GALNT13: variants seen among roughly 807,000 people sequenced by gnomAD.
GALNT13 encodes polypeptide N-acetylgalactosaminyltransferase 13.
GALNT13 carries 28 observed loss-of-function variants against 64.2 expected under a neutral mutation model. That is an observed-to-expected ratio of 0.44 (90% CI 0.32 to 0.60). GALNT13 has a LOEUF of 0.60. GALNT13 is among the 20% of genes least tolerant of loss of function. The probability of loss-of-function intolerance (pLI) is 0.05; values close to 1 mark genes in which losing one functional copy is unlikely to be tolerated. For missense variants in GALNT13, 577 were observed against 669.8 expected, an observed-to-expected ratio of 0.86 and a Z score of 1.53; for synonymous variants, 214 against 224.6, an observed-to-expected ratio of 0.95 and a Z score of 0.42.
At chr2:153,688,477 T>C in the GALNT13 span, among the ~76,000 whole-genome samples, 1 of 152,036 alleles carries the variant, frequency 6.6e-6, no homozygotes, top group Non-Finnish European at 1.5e-5. Context: ...TTCCAGAAAG[T>C]ACACACATCA....
At chr2:154,157,784 G>T (rs1558994479) in intron 4 of GALNT13, among the ~76,000 whole-genome samples, 1 of 152,094 alleles carries the variant, frequency 6.6e-6, no homozygotes, top group African/African-American at 2.4e-5. Flanking sequence ...TGATTGCTAT[G>T]GTGCTATATT....
the GALNT13 span, among the ~76,000 whole-genome samples, chr2:153,082,638 C>T: frequency 2.9e-4 from 32 of 112,002 alleles, no homozygotes; most frequent in African/African-American, 1.2e-3. Context: ...CACACACACA[C>T]ACACACACAC....
the GALNT13 span, among the ~76,000 whole-genome samples, chr2:153,759,139 T>C: frequency 6.6e-6 from 1 of 152,184 alleles, no homozygotes; most frequent in Admixed American, 6.6e-5. Context: ...GACTTTTATA[T>C]GTTGATTTTT....
At chr2:153,875,535 T>C (rs1189331779) in intron 1 of GALNT13, among the ~76,000 whole-genome samples, 2 of 152,164 alleles carry the variant, frequency 1.3e-5, no homozygotes, top group South Asian at 2.1e-4. Context: ...TCATGCCAAG[T>C]TGATTTCTAG....
the GALNT13 span, among the ~76,000 whole-genome samples, chr2:153,375,160 G>A: frequency 6.6e-6 from 1 of 151,782 alleles, no homozygotes. Context: ...CTACTTTTAT[G>A]GCTTCAAACT....
chr2:153,216,360 G>T, the GALNT13 span, among the ~76,000 whole-genome samples: 4,094 of 152,054 alleles, frequency 0.027, 77 homozygotes, highest in Middle Eastern at 0.062. Context: ...GTAGTATATG[G>T]TTATTGTATA....
chr2:153,157,959 T>C, the GALNT13 span, among the ~76,000 whole-genome samples: 2 of 151,962 alleles, frequency 1.3e-5, no homozygotes, highest in Non-Finnish European at 2.9e-5. Context: ...AGAGTTCCCC[T>C]GGAACAGAAA....
At chr2:153,462,567 A>G in the GALNT13 span, among the ~76,000 whole-genome samples, 1 of 152,136 alleles carries the variant, frequency 6.6e-6, no homozygotes, top group African/African-American at 2.4e-5. Flanking sequence ...GCTTAGCAAA[A>G]CCATGTGATC....
the GALNT13 span, among the ~76,000 whole-genome samples, chr2:153,312,733 C>T: frequency 6.6e-6 from 1 of 152,132 alleles, no homozygotes; most frequent in Non-Finnish European, 1.5e-5. Flanking sequence ...TCTGACTGGG[C>T]TAGGCCATGT....
At chr2:154,244,737 G>A (rs538452363) in intron 6 of GALNT13, among the ~76,000 whole-genome samples, 54 of 152,198 alleles carry the variant, frequency 3.5e-4, no homozygotes, top group African/African-American at 1.2e-3. Flanking sequence ...GGCACAACAT[G>A]GATTAAAAGT....
intron 4 of GALNT13, among the ~76,000 whole-genome samples, chr2:154,198,893 T>TA (rs1253135127): frequency 1.3e-5 from 2 of 152,008 alleles, no homozygotes; most frequent in Non-Finnish European, 2.9e-5. Context: ...TAGAGTAATA[T>TA]AGCCTTAGTA....
intron 4 of GALNT13, among the ~76,000 whole-genome samples, chr2:154,192,527 T>C (rs957461285): frequency 7.2e-5 from 11 of 152,114 alleles, no homozygotes; most frequent in African/African-American, 2.4e-4. Flanking sequence ...TATATATATA[T>C]ATATTTAACA....
chr2:153,975,925 A>G (rs1328885515), intron 3 of GALNT13, among the ~76,000 whole-genome samples: 1 of 152,166 alleles, frequency 6.6e-6, no homozygotes, highest in Non-Finnish European at 1.5e-5. Flanking sequence ...AAAACATCAC[A>G]TTGCACGTCC....
chr2:153,308,246 A>C, the GALNT13 span, among the ~76,000 whole-genome samples: 1 of 152,188 alleles, frequency 6.6e-6, no homozygotes, highest in Non-Finnish European at 1.5e-5. Flanking sequence ...TTTGAAGGGA[A>C]TCTTTCTGAA....
chr2:153,254,632 T>G, the GALNT13 span, among the ~76,000 whole-genome samples: 1 of 152,192 alleles, frequency 6.6e-6, no homozygotes, highest in Non-Finnish European at 1.5e-5. Context: ...CTCCACACAC[T>G]GCTTTGGATG....
chr2:154,359,003 G>A (rs763806668), intron 9 of GALNT13, among the ~76,000 whole-genome samples: 1 of 152,090 alleles, frequency 6.6e-6, no homozygotes, highest in Non-Finnish European at 1.5e-5. Context: ...CCATCTGTTC[G>A]GTTATGCTGG....
the GALNT13 span, among the ~76,000 whole-genome samples, chr2:153,452,094 A>T: frequency 2.0e-5 from 3 of 152,196 alleles, no homozygotes; most frequent in South Asian, 2.1e-4. Context: ...ACAAGTTTTC[A>T]TGAGAATTTT....
intron 4 of GALNT13, among the ~76,000 whole-genome samples, chr2:154,164,073 A>G (rs1020053475): frequency 6.6e-6 from 1 of 152,186 alleles, no homozygotes; most frequent in African/African-American, 2.4e-5. Context: ...ATCATACTGA[A>G]TCACAGATGC....
intron 9 of GALNT13, among the ~76,000 whole-genome samples, chr2:154,313,335 CTA>C (rs370102319): frequency 1.4e-5 from 2 of 146,166 alleles, no homozygotes; most frequent in African/African-American, 5.0e-5. Context: ...CATATACACA[CTA>C]TATATATATA....
Sources: gnomAD v4.1 joint callset for allele counts (sites outside exome capture counted in the v4.1 genomes callset) on GRCh38, gnomAD v4.1.1 for gene constraint, MANE v1.5 for transcripts, NCBI Gene and HGNC (gene_info 2026-07-23, HGNC 2026-07-21) for gene names.